MC2R: variants seen among roughly 807,000 people sequenced by gnomAD.
MC2R encodes adrenocorticotropic hormone receptor.
MC2R carries 9 observed loss-of-function variants against 9.8 expected under a neutral mutation model. The observed-to-expected ratio is 0.92, with a 90% CI of 0.55 to 1.60. The LOEUF (loss-of-function observed/expected upper bound fraction) is 1.60, where lower values mean the gene tolerates loss of function less well. Ranked by LOEUF, MC2R falls within the 40% of genes most tolerant of loss-of-function variation. MC2R has a pLI of 0.00. For synonymous variants in MC2R, 185 were observed against 154.7 expected (o/e 1.20, Z -1.45); for missense variants, 370 against 389.0 (o/e 0.95, Z 0.41).
At chr18:13,892,938 C>T (rs1238362489) in intron 1 of MC2R, among the ~76,000 whole-genome samples, 2 of 152,156 alleles carry the variant, frequency 1.3e-5, no homozygotes, top group Admixed American at 6.5e-5. Context: ...GTGATTGTCT[C>T]GCCTCAGCTT....
At chr18:13,888,055 A>G (rs1285010672) in intron 1 of MC2R, among the ~76,000 whole-genome samples, 3 of 152,180 alleles carry the variant, frequency 2.0e-5, no homozygotes, top group African/African-American at 7.2e-5. Context: ...AGTCCATTAA[A>G]TGTAATCAGA....
chr18:13,888,254 T>C (rs2045289701), intron 1 of MC2R, among the ~76,000 whole-genome samples: 2 of 152,156 alleles, frequency 1.3e-5, no homozygotes, highest in South Asian at 4.1e-4. Context: ...TTTGGACAGA[T>C]ACACAGTGTG....
intron 1 of MC2R, among the ~76,000 whole-genome samples, chr18:13,906,446 G>T (rs970383710): frequency 2.6e-5 from 4 of 152,058 alleles, no homozygotes; most frequent in African/African-American, 4.8e-5. Context: ...GGAGGTGAGG[G>T]GAGGGAACTT....
chr18:13,906,467 T>C (rs908656874), intron 1 of MC2R, among the ~76,000 whole-genome samples: 3 of 151,876 alleles, frequency 2.0e-5, no homozygotes, highest in African/African-American at 4.8e-5. Context: ...AGAGGACGGG[T>C]CAATAGGTGC....
intron 1 of MC2R, among the ~76,000 whole-genome samples, chr18:13,909,681 C>A (rs2045433554): frequency 6.6e-6 from 1 of 152,134 alleles, no homozygotes; most frequent in African/African-American, 2.4e-5. Context: ...CAACTTTGGC[C>A]ACTGGGAGCT....
At position 13,883,576 on chromosome 18, in the gene MC2R, T is replaced by TACACACACAC. The variant is rs67239935; in HGVS notation, c.*1039_*1048dup. On this transcript the variant is annotated 3_prime_UTR_variant, in exon 2 of 2. Coordinates refer to ENST00000327606, the MANE Select transcript of MC2R (RefSeq NM_000529.2). ...CCATAGTCCAAAAGCATGGGGAAAA[T>TACACACACAC]ACACACACACACACACACACACACA... 3 of 118,670 alleles carry TACACACACAC rather than the reference T, an allele frequency of 2.5e-5. No homozygotes were observed. The highest frequency in any genetic ancestry group is 8.7e-5 in the Admixed American group (1 of 11,478). 7.4% of individuals were successfully genotyped at this position (118,670 alleles called of 1,614,324 possible). A position where few individuals can be genotyped will look rare whatever the true frequency, so the allele number is the denominator to read the frequency against.
intron 1 of MC2R, among the ~76,000 whole-genome samples, chr18:13,915,066 C>T (rs922808709): frequency 1.3e-5 from 2 of 152,188 alleles, no homozygotes; most frequent in African/African-American, 4.8e-5. Flanking sequence ...CTGCCGCATG[C>T]CCACGTCTTT....
Position 13,884,937 on chromosome 18 carries a change from C to T in MC2R, c.582G>A (p.Val194=). The change falls in exon 2 of 2, where the codon GTG becomes GTA. Residue 194 remains valine (V), a synonymous_variant. Coordinates refer to ENST00000327606, the MANE Select transcript of MC2R (RefSeq NM_000529.2). ...LMLVFILCLY[V]HMFLLARSHT... The stretch of plus-strand genomic sequence containing the variant: ...GGGATCGAGCCAGCAGGAACATGTG[C>T]ACATAGAGGCACAGGATGAAGACCA... 6.2e-7 allele frequency: 1 copy of T among 1,613,946 alleles called. No individual in the cohort carries two copies. The highest frequency in any genetic ancestry group is 1.1e-5 in the South Asian group (1 of 91,068).
intron 1 of MC2R, among the ~76,000 whole-genome samples, chr18:13,887,690 T>C (rs1046497272): frequency 2.0e-5 from 3 of 152,158 alleles, no homozygotes; most frequent in Non-Finnish European, 4.4e-5. Context: ...ACAGACCAGC[T>C]CCTCGACGAC....
intron 1 of MC2R, among the ~76,000 whole-genome samples, chr18:13,895,734 G>T (rs544475322): frequency 6.6e-6 from 1 of 152,194 alleles, no homozygotes; most frequent in Non-Finnish European, 1.5e-5. Context: ...TCCAGGGGTG[G>T]TTAGCACCCT....
intron 1 of MC2R, among the ~76,000 whole-genome samples, chr18:13,897,481 G>A (rs2045353219): frequency 6.6e-6 from 1 of 152,276 alleles, no homozygotes; most frequent in Middle Eastern, 3.4e-3. Context: ...CGCTGAACTA[G>A]GCCCAGAGAC....
At chr18:13,890,568 C>A (rs2045310005) in intron 1 of MC2R, among the ~76,000 whole-genome samples, 1 of 152,162 alleles carries the variant, frequency 6.6e-6, no homozygotes, top group African/African-American at 2.4e-5. Context: ...CTGGGACCAG[C>A]TCTGAGTGAA....
chr18:13,894,903 C>T (rs979308478), intron 1 of MC2R, among the ~76,000 whole-genome samples: 1 of 152,236 alleles, frequency 6.6e-6, no homozygotes, highest in Non-Finnish European at 1.5e-5. Flanking sequence ...CCCACGCGAC[C>T]TGTCTGTGCC....
chr18:13,886,372 G>A (rs920168716), intron 1 of MC2R, among the ~76,000 whole-genome samples: 3 of 152,204 alleles, frequency 2.0e-5, no homozygotes, highest in African/African-American at 7.2e-5. Context: ...CATCCTTCTC[G>A]TGAACACACG....
rs764887426 is a variant in MC2R at position 13,885,116 on chromosome 18, C to T, written c.403G>A (p.Ala135Thr). Reference sequence around the variant, plus strand: ...GTCACGATGCTGTGGTACCGCAGTGCGTGGAAGATGGTGATGTAGCGGTCC... The same window carrying T: ...GTCACGATGCTGTGGTACCGCAGTGTGTGGAAGATGGTGATGTAGCGGTCC... ...AADRYITIFH[A>T]LRYHSIVTMR... The change falls in exon 2 of 2, where the codon GCA becomes ACA. Residue 135 changes from alanine to threonine, a missense_variant. Ala to Thr is a moderately conservative substitution (Grantham distance 58). Coordinates refer to ENST00000327606, the MANE Select transcript of MC2R (RefSeq NM_000529.2). 1.2e-5 allele frequency: 19 copies of T among 1,613,950 alleles called. No individual in the cohort carries two copies. In the South Asian group the frequency reaches 1.5e-4, roughly 13 times the overall value.
Position 13,884,740 on chromosome 18 carries a change from A to C in MC2R, c.779T>G (p.Val260Gly). Residue 260 changes from valine (V) to glycine (G), a missense_variant, in exon 2 of 2, where the codon GTG (valine) becomes GGG (glycine). Physicochemically the swap from Val to Gly is moderately radical, Grantham distance 109. Coordinates refer to ENST00000327606, the MANE Select transcript of MC2R (RefSeq NM_000529.2). ...ATTGCACATGATCAACATGCCGTTCACCTGGAAGAGAGACATGTAGCAGGC... is the reference window on the plus strand; with the variant it reads ...ATTGCACATGATCAACATGCCGTTCCCCTGGAAGAGAGACATGTAGCAGGC... Reference protein sequence around the residue: ...YCACYMSLFQVNGMLIMCNAV... With the variant: ...YCACYMSLFQGNGMLIMCNAV... 1 of 1,614,126 alleles carries C rather than the reference A, an allele frequency of 6.2e-7. No homozygotes were observed. The highest frequency in any genetic ancestry group is 8.5e-7 in the Non-Finnish European group (1 of 1,180,002).
chr18:13,890,617 T>C (rs1401264655), intron 1 of MC2R, among the ~76,000 whole-genome samples: 1 of 152,134 alleles, frequency 6.6e-6, no homozygotes, highest in Non-Finnish European at 1.5e-5. Flanking sequence ...CTGTGCTGCC[T>C]TTTTTCTTTG....
intron 1 of MC2R, among the ~76,000 whole-genome samples, chr18:13,904,380 CAAA>C (rs56308792): frequency 0.053 from 5,015 of 94,972 alleles, 257 homozygotes; most frequent in African/African-American, 0.16. Context: ...GACCCCGTCT[CAAA>C]AAAAAAAAAA....
rs753107546 is a variant in MC2R, at chr18:13,885,079, G to C, written c.440C>G (p.Thr147Ser). ...CCAGATGACCGTAAGCACCACCACA[G>C]TGCGGCGCATGGTCACGATGCTGTG... ...RYHSIVTMRRTVVVLTVIWTF... is the reference protein window; with the variant it reads ...RYHSIVTMRRSVVVLTVIWTF... The change falls in exon 2 of 2, where the codon ACT (threonine) becomes AGT (serine). Residue 147 changes from threonine to serine, a missense_variant. Coordinates refer to ENST00000327606, the MANE Select transcript of MC2R (RefSeq NM_000529.2). The C allele has an allele frequency of 6.2e-7, 1 of 1,614,194 alleles. No individual in the cohort carries two copies. The highest frequency in any genetic ancestry group is 1.7e-5 in the Admixed American group (1 of 60,028).
Sources: gnomAD v4.1 joint callset for allele counts (sites outside exome capture counted in the v4.1 genomes callset) on GRCh38, gnomAD v4.1.1 for gene constraint, MANE v1.5 for transcripts, NCBI Gene and HGNC (gene_info 2026-07-23, HGNC 2026-07-21) for gene names.